SLC25A18: variants seen among roughly 807,000 people sequenced by gnomAD.
SLC25A18 encodes the protein mitochondrial glutamate carrier 2.
SLC25A18 carries 24 observed loss-of-function variants against 31.1 expected under a neutral mutation model. The ratio of observed to expected loss-of-function variants is 0.77; its 90% confidence interval spans 0.56 to 1.08. SLC25A18 has a LOEUF of 1.08. Among genes scored for constraint, SLC25A18 ranks in the 50% least tolerant of loss-of-function variants. The pLI is 0.00. For synonymous variants in SLC25A18, 173 were observed against 161.9 expected, an observed-to-expected ratio of 1.07 and a Z score of -0.52; for missense variants, 371 against 418.5, an observed-to-expected ratio of 0.89 and a Z score of 0.99.
chr22:17,589,568 CT>C (rs2057658606), intron 9 of SLC25A18, 21 bp from the exon 10 acceptor site: 4 of 1,577,624 alleles, frequency 2.5e-6, no homozygotes, highest in Non-Finnish European at 3.5e-6. Flanking sequence ...TCACTACTTA[CT>C]TTAACTTTTA....
intron 2 of SLC25A18, among the ~76,000 whole-genome samples, chr22:17,571,351 G>A (rs908978168): frequency 1.1e-4 from 17 of 152,178 alleles, no homozygotes; most frequent in African/African-American, 4.1e-4. Flanking sequence ...CAGGAAGAAC[G>A]AAAAGCTATG....
chr22:17,564,358 TAAACTG>T (rs936928349), intron 1 of SLC25A18, among the ~76,000 whole-genome samples: 1 of 152,144 alleles, frequency 6.6e-6, no homozygotes, highest in Non-Finnish European at 1.5e-5. Context: ...CCTAAGACCT[TAAACTG>T]AAGAAGGGCC....
At chr22:17,568,342 G>C (rs2056992561) in intron 1 of SLC25A18, among the ~76,000 whole-genome samples, 1 of 148,536 alleles carries the variant, frequency 6.7e-6, no homozygotes, top group East Asian at 2.0e-4. Context: ...CCTCCAGCCT[G>C]GGTGACAGAG....
chr22:17,584,555 G>C (rs556030332), intron 7 of SLC25A18, among the ~76,000 whole-genome samples: 1 of 151,102 alleles, frequency 6.6e-6, no homozygotes, highest in African/African-American at 2.4e-5. Flanking sequence ...CGAGGCAGGC[G>C]GATCACCTGA....
intron 7 of SLC25A18, among the ~76,000 whole-genome samples, chr22:17,585,703 C>T (rs2057531118): frequency 6.7e-6 from 1 of 148,490 alleles, no homozygotes; most frequent in Non-Finnish European, 1.5e-5. Context: ...GGCTGGAGTC[C>T]AATGGCACTG....
At chr22:17,572,426 A>G (rs1442456552) in intron 2 of SLC25A18, among the ~76,000 whole-genome samples, 3 of 149,608 alleles carry the variant, frequency 2.0e-5, no homozygotes, top group Non-Finnish European at 1.5e-5. Flanking sequence ...TGAAGGTTGC[A>G]GTGAGCCGAG....
chr22:17,577,171 C>A (rs549553206), intron 2 of SLC25A18, among the ~76,000 whole-genome samples: 4 of 152,128 alleles, frequency 2.6e-5, no homozygotes, highest in African/African-American at 7.2e-5. Flanking sequence ...GACAGGCGCC[C>A]ACCACCACAC....
At chr22:17,589,472 G>A (rs759455444) in intron 9 of SLC25A18, 118 bp from the exon 10 acceptor site, 23 of 834,154 alleles carry the variant, frequency 2.8e-5, no homozygotes, top group East Asian at 1.1e-4. Flanking sequence ...CACTGCGCCC[G>A]GCCTATGAGT....
chr22:17,579,590 C>T (rs578035248), intron 2 of SLC25A18, among the ~76,000 whole-genome samples, 155 bp from the exon 3 acceptor site: 3 of 152,284 alleles, frequency 2.0e-5, no homozygotes, highest in Admixed American at 6.5e-5. Context: ...CTTATCTGAT[C>T]CCCAGAGTCC....
At chr22:17,569,872 A>T in intron 1 of SLC25A18, 52 bp from the exon 2 acceptor site, 4 of 985,620 alleles carry the variant, frequency 4.1e-6, no homozygotes, top group Non-Finnish European at 4.8e-6. Flanking sequence ...CTGACCACAG[A>T]AGGGAAAACC....
chr22:17,563,817 C>T, intron 1 of SLC25A18, 104 bp downstream of exon 1: 1 of 652,486 alleles, frequency 1.5e-6, no homozygotes, highest in Non-Finnish European at 1.9e-6. Flanking sequence ...TCATAATAAA[C>T]CTGTATTGTG....
chr22:17,569,260 G>A (rs896480773), intron 1 of SLC25A18, among the ~76,000 whole-genome samples: 6 of 151,910 alleles, frequency 3.9e-5, no homozygotes, highest in Non-Finnish European at 7.4e-5. Context: ...CGCCCGCCTC[G>A]GCCTCCCAAA....
chr22:17,588,144 C>G (rs2057607675), intron 9 of SLC25A18, 65 bp downstream of exon 9: 4 of 1,584,332 alleles, frequency 2.5e-6, no homozygotes, highest in Non-Finnish European at 3.4e-6. Flanking sequence ...ATAGATAAAA[C>G]AGCCTGACCC....
intron 1 of SLC25A18, among the ~76,000 whole-genome samples, chr22:17,565,996 G>A (rs1213466450): frequency 6.6e-6 from 1 of 152,064 alleles, no homozygotes; most frequent in Non-Finnish European, 1.5e-5. Flanking sequence ...CCTGGCCTCT[G>A]TGTTTACTTT....
intron 10 of SLC25A18, 138 bp from the exon 11 acceptor site, chr22:17,589,956 TC>T: frequency 8.0e-7 from 1 of 1,247,890 alleles, no homozygotes. Context: ...GAGGCACAGC[TC>T]CCACACCGTT....
chr22:17,587,129 C>T lies in SLC25A18; in HGVS notation c.410-7C>T, dbSNP rs78792037. The T allele has an allele frequency of 9.1e-4, 1,461 of 1,613,396 alleles. 10 individuals carry two copies. The African/African-American group carries it at 0.016, about 17-fold the overall frequency. ...CCAGGTACTGATGTCTGTCCTTTCCCTTCCAGCCGTCCATCATCAGGGCTC... is the reference window on the plus strand; with the variant it reads ...CCAGGTACTGATGTCTGTCCTTTCCTTTCCAGCCGTCCATCATCAGGGCTC... On this transcript the variant is annotated splice_region_variant and splice_polypyrimidine_tract_variant and intron_variant, in intron 7 of 10. Coordinates refer to ENST00000327451, the MANE Select transcript of SLC25A18 (RefSeq NM_031481.3).
chr22:17,583,067 C>T (rs1601324550), intron 6 of SLC25A18, among the ~76,000 whole-genome samples: 3 of 152,254 alleles, frequency 2.0e-5, no homozygotes, highest in East Asian at 3.9e-4. Context: ...AGAGCGAGAC[C>T]TCGTCTCAGG....
At position 17,590,458 on chromosome 22, in the gene SLC25A18, AG is replaced by A; in HGVS notation, c.*226del. On this transcript the variant is annotated 3_prime_UTR_variant, in exon 11 of 11. Coordinates refer to ENST00000327451, the MANE Select transcript of SLC25A18 (RefSeq NM_031481.3). Reference sequence around the variant, plus strand: ...GTTTTCCTTTGTGGGCACAGCTACCAGGGGCTTTTGGAAGCCCCTAACCACC... The same window carrying A: ...GTTTTCCTTTGTGGGCACAGCTACCAGGGCTTTTGGAAGCCCCTAACCACC... 2.0e-6 allele frequency: 1 copy of A among 500,614 alleles called. No homozygotes were observed. The highest frequency in any genetic ancestry group is 3.4e-6 in the Non-Finnish European group (1 of 291,102). The allele number at this position is 500,614 out of a possible 1,614,324, so 31.0% of individuals were successfully genotyped here.
At chr22:17,574,387 G>GT (rs1251739459) in intron 2 of SLC25A18, among the ~76,000 whole-genome samples, 1 of 152,158 alleles carries the variant, frequency 6.6e-6, no homozygotes, top group African/African-American at 2.4e-5. Context: ...GGCTCCCCAC[G>GT]TGTGGCCTAA....
Sources: gnomAD v4.1 joint callset for allele counts (sites outside exome capture counted in the v4.1 genomes callset) on GRCh38, gnomAD v4.1.1 for gene constraint, MANE v1.5 for transcripts, NCBI Gene and HGNC (gene_info 2026-07-23, HGNC 2026-07-21) for gene names.